The following HLCS variants were observed in gnomAD, a reference collection of about 807,000 sequenced individuals.
HLCS encodes holocarboxylase synthetase.
A neutral mutation model predicts 75.0 loss-of-function variants in HLCS; 53 were observed. The observed-to-expected ratio is 0.71, with a 90% CI of 0.57 to 0.89. The LOEUF is 0.89. HLCS is among the 40% of genes least tolerant of loss of function. The pLI is 0.00. For missense variants in HLCS, 966 were observed against 1,074.0 expected (o/e 0.90, Z 1.41); for synonymous variants, 431 against 428.6 (o/e 1.01, Z -0.07).
At position 36,838,683 on chromosome 21, in the gene HLCS, G is replaced by A. The variant is rs367792549; in HGVS notation, c.1892+58177C>T. ...CACGCCACTGCACTCCAGCCTGGGC[G>A]ACAGAGCGAGACTCCGTCTCAAAAG... On this transcript the variant is annotated intron_variant, in intron 6 of 10. Coordinates refer to ENST00000674895, the MANE Select transcript of HLCS (RefSeq NM_001352514.2). Among the ~76,000 whole-genome samples the A allele has an allele frequency of 1.3e-3, 190 of 149,450 alleles. 2 individuals carry two copies. The highest frequency in any genetic ancestry group is 4.3e-3 in the African/African-American group (174 of 40,484).
In HLCS at chr21:36,897,092, CAT is replaced by C. The variant is rs751956557; in HGVS notation, c.1658_1659del (p.His553ArgfsTer15). ...RDPLMQWLGK[H>X]VDSEGEIKSG... ...GATTTTATTTCTCCCTCGGAGTCCA[CAT>C]GTTTCCCAAGCCACTGCATAAGAGG... On this transcript the variant is annotated frameshift_variant, in exon 6 of 11. Transcript: ENST00000674895. LOFTEE classifies it high-confidence loss of function. 7.4e-6 allele frequency: 12 copies of C among 1,614,112 alleles called. No individual in the cohort carries two copies. The highest frequency in any genetic ancestry group is 1.7e-5 in the Admixed American group (1 of 60,028).
At chr21:36,780,330 T>G (rs2060489127) in intron 6 of HLCS, among the ~76,000 whole-genome samples, 1 of 152,136 alleles carries the variant, frequency 6.6e-6, no homozygotes. Flanking sequence ...ACCATTCTCC[T>G]GCCTCAGCCT....
At chr21:36,892,485 A>C (rs1170987962) in intron 6 of HLCS, among the ~76,000 whole-genome samples, 1 of 152,246 alleles carries the variant, frequency 6.6e-6, no homozygotes, top group East Asian at 1.9e-4. Context: ...AACAGATTGC[A>C]AGACCTCAAC....
At position 36,766,694 on chromosome 21, in the gene HLCS, G is replaced by A. The variant is rs116278770; in HGVS notation, c.1960+524C>T. On this transcript the variant is annotated intron_variant, in intron 7 of 10. Coordinates refer to ENST00000674895, the MANE Select transcript of HLCS (RefSeq NM_001352514.2). ...TGGGTCTGGGAGGATGTGGGCTCTC[G>A]TCTCCGGGATCTGCAGGTGGTGGAG... is the stretch of plus-strand genomic sequence containing the variant. 6.2e-3 allele frequency among the ~76,000 whole-genome samples: 937 copies of A among 152,198 alleles called. 14 individuals are homozygous for A. Among genetic ancestry groups the A allele is most frequent in the African/African-American group, 0.022 (903 of 41,560 alleles).
At chr21:36,896,479 G>A (rs1235785861) in intron 6 of HLCS, 2 of 279,538 alleles carry the variant, frequency 7.2e-6, no homozygotes, top group Non-Finnish European at 6.8e-6. Flanking sequence ...AAATGCCCCT[G>A]AAAAACATCC....
intron 1 of HLCS, among the ~76,000 whole-genome samples, chr21:36,978,129 C>T (rs1490231712): frequency 6.6e-6 from 1 of 152,166 alleles, no homozygotes; most frequent in Non-Finnish European, 1.5e-5. Context: ...CTTTATCTGC[C>T]AACTGTGTTA....
intron 1 of HLCS, among the ~76,000 whole-genome samples, chr21:36,984,664 G>A (rs2069192991): frequency 6.6e-6 from 1 of 152,202 alleles, no homozygotes; most frequent in African/African-American, 2.4e-5. Flanking sequence ...CAGAAGGGTG[G>A]AAGGGGTGAA....
At chr21:36,793,455 C>G (rs775812668) in intron 6 of HLCS, among the ~76,000 whole-genome samples, 1 of 152,042 alleles carries the variant, frequency 6.6e-6, no homozygotes, top group African/African-American at 2.4e-5. Flanking sequence ...GCATGCACCA[C>G]CATGCCCAAA....
chr21:36,857,380 G>A (rs1234780056), intron 6 of HLCS, among the ~76,000 whole-genome samples: 5 of 152,210 alleles, frequency 3.3e-5, no homozygotes, highest in African/African-American at 1.2e-4. Context: ...CAGGAGTGGG[G>A]TAGGAGAGAT....
At chr21:36,932,699 G>A (rs1291217563) in intron 4 of HLCS, among the ~76,000 whole-genome samples, 1 of 152,170 alleles carries the variant, frequency 6.6e-6, no homozygotes, top group African/African-American at 2.4e-5. Context: ...CCTACTGTAT[G>A]CAAAGCTTCT....
intron 6 of HLCS, among the ~76,000 whole-genome samples, chr21:36,856,157 C>T (rs980838249): frequency 2.3e-4 from 35 of 152,158 alleles, no homozygotes; most frequent in Admixed American, 1.5e-3. Context: ...GTGGTGATGA[C>T]CATACAAGTG....
intron 6 of HLCS, among the ~76,000 whole-genome samples, chr21:36,796,940 C>T (rs533349158): frequency 2.1e-3 from 325 of 151,786 alleles, no homozygotes; most frequent in Admixed American, 4.2e-3. Flanking sequence ...GATCTCGGCT[C>T]ACTGCAACCT....
At chr21:36,902,156 A>T (rs1298102105) in intron 5 of HLCS, among the ~76,000 whole-genome samples, 2 of 152,210 alleles carry the variant, frequency 1.3e-5, no homozygotes. Flanking sequence ...TAGTGAAAAG[A>T]GAAAAACTGC....
chr21:36,984,473 C>G (rs186314408), intron 1 of HLCS, among the ~76,000 whole-genome samples: 21 of 152,198 alleles, frequency 1.4e-4, no homozygotes, highest in Non-Finnish European at 2.8e-4. Context: ...ATGGGAGAAT[C>G]TGCTGGACAA....
intron 2 of HLCS, among the ~76,000 whole-genome samples, chr21:36,957,476 G>A (rs1161584999): frequency 6.6e-6 from 1 of 152,110 alleles, no homozygotes; most frequent in East Asian, 1.9e-4. Flanking sequence ...GCCTAATACA[G>A]TTACCATATG....
chr21:36,906,513 C>G (rs2065462277), intron 5 of HLCS, among the ~76,000 whole-genome samples: 1 of 152,182 alleles, frequency 6.6e-6, no homozygotes, highest in Admixed American at 6.5e-5. Flanking sequence ...GTCTAAGCGA[C>G]AGAGCGAGAC....
At position 36,776,531 on chromosome 21, in the gene HLCS, C is replaced by T. The variant is rs1481167146; in HGVS notation, c.1893-9246G>A. Among the ~76,000 whole-genome samples, 3 of 152,156 alleles carry T rather than the reference C, an allele frequency of 2.0e-5. No individual in the cohort carries two copies. In the East Asian group the frequency reaches 5.8e-4, roughly 29 times the overall value. Reference sequence around the variant, plus strand: ...CCAGGTTTAAGCGATTCTCCTGCCTCAGCCTCCTGAGTAGCTGGGATTACA... The same window carrying T: ...CCAGGTTTAAGCGATTCTCCTGCCTTAGCCTCCTGAGTAGCTGGGATTACA... On this transcript the variant is annotated intron_variant, in intron 6 of 10. Coordinates refer to ENST00000674895, the MANE Select transcript of HLCS (RefSeq NM_001352514.2).
chr21:36,800,039 C>A (rs115940972), intron 6 of HLCS, among the ~76,000 whole-genome samples: 1,845 of 152,232 alleles, frequency 0.012, 31 homozygotes, highest in African/African-American at 0.041. Flanking sequence ...GACCCATTTC[C>A]ACCATTTCCA....
chr21:36,844,778 G>C (rs1569090834), intron 6 of HLCS, among the ~76,000 whole-genome samples: 1 of 151,958 alleles, frequency 6.6e-6, no homozygotes. Flanking sequence ...CAAGAATAAG[G>C]GTCGACTTTA....
Sources: gnomAD v4.1 joint callset for allele counts (sites outside exome capture counted in the v4.1 genomes callset) on GRCh38, gnomAD v4.1.1 for gene constraint, MANE v1.5 for transcripts, NCBI Gene and HGNC (gene_info 2026-07-23, HGNC 2026-07-21) for gene names.